The following UBXN7 variants were observed in gnomAD, a reference collection of about 807,000 sequenced individuals.
UBXN7 encodes UBX domain protein 7.
UBXN7 carries 9 observed loss-of-function variants against 58.0 expected under a neutral mutation model. That is an observed-to-expected ratio of 0.16 (90% CI 0.09 to 0.27). The LOEUF (loss-of-function observed/expected upper bound fraction) is 0.27. Among genes scored for constraint, UBXN7 ranks in the 10% least tolerant of loss-of-function variants. UBXN7 has a pLI of 1.00. For missense variants in UBXN7, 328 were observed against 599.6 expected (o/e 0.55, Z 4.73); for synonymous variants, 208 against 205.0 (o/e 1.01, Z -0.12).
intron 1 of UBXN7, among the ~76,000 whole-genome samples, chr3:196,422,598 A>T (rs1016341561): frequency 6.6e-6 from 1 of 152,216 alleles, no homozygotes; most frequent in East Asian, 1.9e-4. Context: ...TTTGTTGTCC[A>T]GGTTGGCGTC....
In UBXN7 at chr3:196,356,665, A is replaced by C. The variant is rs1481761677; in HGVS notation, c.*20T>G. 1.3e-6 allele frequency: 2 copies of C among 1,580,372 alleles called. No homozygotes were observed. Among genetic ancestry groups the C allele is most frequent in the African/African-American group, 2.8e-5 (2 of 72,668 alleles). On this transcript the variant is annotated 3_prime_UTR_variant, in exon 11 of 11. Coordinates refer to ENST00000296328, the MANE Select transcript of UBXN7 (RefSeq NM_015562.2). ...GAAAAGGGAAAAAAGGGGTAAGCTG[A>C]GAGAGGTCAAGCCATGGTGTTAATT...
At position 196,356,486 on chromosome 3, in the gene UBXN7, G is replaced by A. The variant is rs1728352952; in HGVS notation, c.*199C>T. 3 of 540,232 alleles carry A rather than the reference G, an allele frequency of 5.6e-6. No individual in the cohort carries two copies. Among genetic ancestry groups the A allele is most frequent in the Admixed American group, 4.0e-5 (1 of 25,186 alleles). The allele number at this position is 540,232 out of a possible 1,614,324, so 33.5% of individuals were successfully genotyped here. A position where few individuals can be genotyped will look rare whatever the true frequency, so the allele number is the denominator to read the frequency against. On this transcript the variant is annotated 3_prime_UTR_variant, in exon 11 of 11. Coordinates refer to ENST00000296328, the MANE Select transcript of UBXN7 (RefSeq NM_015562.2). ...GGCAGAAGGGTACGGAGTGGGGAGC[G>A]AGAAAACAGAAGAGGAGAAAGAAAC... is the stretch of plus-strand genomic sequence containing the variant.
At position 196,393,730 on chromosome 3, in the gene UBXN7, G is replaced by A. The variant is rs151089202; in HGVS notation, c.290-111C>T. On this transcript the variant is annotated intron_variant, in intron 3 of 10. Transcript: ENST00000296328. ...TAATAAAACATATGAAACCCTTCACGAACTGCATGTCACCCTTGCACAGGG... is the reference window on the plus strand; with the variant it reads ...TAATAAAACATATGAAACCCTTCACAAACTGCATGTCACCCTTGCACAGGG... The A allele has an allele frequency of 2.6e-4, 261 of 1,018,218 alleles. No homozygotes were observed. The East Asian group carries it at 4.4e-3, about 17-fold the overall frequency. The allele number at this position is 1,018,218 out of a possible 1,614,324, so 63.1% of individuals were successfully genotyped here. A position where few individuals can be genotyped will look rare whatever the true frequency, so the allele number is the denominator to read the frequency against.
intron 1 of UBXN7, among the ~76,000 whole-genome samples, chr3:196,412,521 G>A (rs753984086): frequency 6.6e-6 from 1 of 152,108 alleles, no homozygotes; most frequent in Non-Finnish European, 1.5e-5. Flanking sequence ...GAAAACTATG[G>A]AGATTCCTCA....
intron 1 of UBXN7, among the ~76,000 whole-genome samples, chr3:196,428,708 C>T (rs1238419106): frequency 6.7e-6 from 1 of 150,318 alleles, no homozygotes; most frequent in African/African-American, 2.4e-5. Flanking sequence ...GCCTGCACAA[C>T]AAAGTGAGAC....
At chr3:196,414,955 G>A (rs2108620544) in intron 1 of UBXN7, among the ~76,000 whole-genome samples, 1 of 152,126 alleles carries the variant, frequency 6.6e-6, no homozygotes, top group South Asian at 2.1e-4. Context: ...TGAAGGAAAG[G>A]AAAAGTTCTA....
chr3:196,358,164 C>G (rs1487776554), intron 10 of UBXN7, among the ~76,000 whole-genome samples: 2 of 152,182 alleles, frequency 1.3e-5, no homozygotes, highest in Admixed American at 6.5e-5. Flanking sequence ...TAAACAAAAG[C>G]CACCAGTATG....
chr3:196,409,866 T>C (rs1449762754), intron 1 of UBXN7, among the ~76,000 whole-genome samples: 2 of 152,134 alleles, frequency 1.3e-5, no homozygotes, highest in Non-Finnish European at 2.9e-5. Flanking sequence ...CCACCAGACC[T>C]GCTTTAAAGG....
chr3:196,355,031 A>C lies in UBXN7; in HGVS notation c.*1654T>G, dbSNP rs1456589270. On this transcript the variant is annotated 3_prime_UTR_variant, in exon 11 of 11. Coordinates refer to ENST00000296328, the MANE Select transcript of UBXN7 (RefSeq NM_015562.2). The stretch of plus-strand genomic sequence containing the variant: ...AGTTCCTCAAAATTCAACCATTAGA[A>C]ACCATATCCTATAACTGTGTACTAG... 1 of 152,082 alleles carries C rather than the reference A, an allele frequency of 6.6e-6. No individual in the cohort carries two copies. The highest frequency in any genetic ancestry group is 2.4e-5 in the African/African-American group (1 of 41,408). The allele number at this position is 152,082 out of a possible 1,614,324, so 9.4% of individuals were successfully genotyped here.
chr3:196,417,003 G>C (rs1730505826), intron 1 of UBXN7, among the ~76,000 whole-genome samples: 1 of 152,162 alleles, frequency 6.6e-6, no homozygotes, highest in South Asian at 2.1e-4. Flanking sequence ...TGGAGCCACA[G>C]ACACAGCAAG....
intron 1 of UBXN7, among the ~76,000 whole-genome samples, chr3:196,413,580 T>A (rs1428490215): frequency 1.3e-5 from 2 of 152,100 alleles, no homozygotes; most frequent in Admixed American, 6.6e-5. Context: ...CTCCCCCGAG[T>A]GAACATCCCA....
intron 8 of UBXN7, among the ~76,000 whole-genome samples, chr3:196,366,808 G>A (rs997981062): frequency 6.6e-6 from 1 of 152,136 alleles, no homozygotes; most frequent in Non-Finnish European, 1.5e-5. Flanking sequence ...AGGATCGCTT[G>A]AGCCCAAGAG....
intron 1 of UBXN7, among the ~76,000 whole-genome samples, chr3:196,417,129 C>G (rs569833131): frequency 6.6e-6 from 1 of 152,024 alleles, no homozygotes; most frequent in Non-Finnish European, 1.5e-5. Flanking sequence ...CTGGCTAACA[C>G]GGTGAAACCC....
intron 1 of UBXN7, among the ~76,000 whole-genome samples, chr3:196,409,740 T>G (rs758339635): frequency 3.9e-5 from 6 of 152,146 alleles, no homozygotes; most frequent in Non-Finnish European, 8.8e-5. Flanking sequence ...CTCTGCTTTA[T>G]GAAGGGGAGG....
intron 4 of UBXN7, among the ~76,000 whole-genome samples, chr3:196,392,726 C>T (rs987927887): frequency 6.6e-6 from 1 of 152,042 alleles, no homozygotes; most frequent in African/African-American, 2.4e-5. Context: ...TCGTTTGAAC[C>T]TGAGAGGTGA....
chr3:196,429,024 A>AAT (rs1301902709), intron 1 of UBXN7, among the ~76,000 whole-genome samples: 1 of 150,932 alleles, frequency 6.6e-6, no homozygotes, highest in Non-Finnish European at 1.5e-5. Flanking sequence ...AAAAAAAAAA[A>AAT]AAAATCAAAA....
At chr3:196,400,679 G>T (rs1039224075) in intron 3 of UBXN7, 8 of 327,780 alleles carry the variant, frequency 2.4e-5, no homozygotes, top group Non-Finnish European at 4.2e-5. Flanking sequence ...GTTTGAGACT[G>T]CAGTAAGCAA....
chr3:196,431,728 C>T (rs978803779), intron 1 of UBXN7: 2 of 446,460 alleles, frequency 4.5e-6, no homozygotes, highest in Non-Finnish European at 9.0e-6. Context: ...CTCCTCAGCA[C>T]CCCCCGCTTC....
At chr3:196,360,522 T>G (rs1728479036) in intron 10 of UBXN7, among the ~76,000 whole-genome samples, 1 of 152,216 alleles carries the variant, frequency 6.6e-6, no homozygotes, top group African/African-American at 2.4e-5. Flanking sequence ...CACATCAATT[T>G]ACAGCATAAC....
Sources: allele counts gnomAD v4.1 joint callset (sites outside exome capture counted in the v4.1 genomes callset), GRCh38; gene constraint gnomAD v4.1.1; transcripts MANE v1.5; gene names NCBI Gene and HGNC (gene_info 2026-07-23, HGNC 2026-07-21).